Variants in EGLN1 observed in about 807,000 individuals in gnomAD.
The protein encoded by EGLN1 is egl-9 family hypoxia inducible factor 1.
Under a neutral mutation model 38.3 loss-of-function variants are expected in EGLN1, and 17 were observed. The observed-to-expected ratio is 0.44, with a 90% CI of 0.30 to 0.67. The LOEUF (loss-of-function observed/expected upper bound fraction) is 0.67. EGLN1 is among the 30% of genes least tolerant of loss of function. The pLI is 0.08. For missense variants in EGLN1, 477 were observed against 603.3 expected, an observed-to-expected ratio of 0.79 and a Z score of 2.19; for synonymous variants, 283 against 257.5, an observed-to-expected ratio of 1.10 and a Z score of -0.95.
chr1:231,399,829 T>G lies in EGLN1; in HGVS notation c.891+21169A>C, dbSNP rs1239977959. ...TGACCAATATATACCACGCTACCTG[T>G]GGGCACTACGAAATGGTTAAGGAGA... On this transcript the variant is annotated intron_variant, in intron 1 of 4. Coordinates refer to ENST00000366641, the MANE Select transcript of EGLN1 (RefSeq NM_022051.3). 2.0e-5 allele frequency among the ~76,000 whole-genome samples: 3 copies of G among 152,030 alleles called. No individual in the cohort carries two copies. In the East Asian group the frequency reaches 5.8e-4, roughly 30 times the overall value.
In EGLN1 at chr1:231,421,939, A is replaced by G. The variant is rs1656644965; in HGVS notation, c.-51T>C. 3.7e-6 allele frequency: 5 copies of G among 1,344,954 alleles called. No homozygotes were observed. Among genetic ancestry groups the G allele is most frequent in the Non-Finnish European group, 4.7e-6 (5 of 1,059,628 alleles). 83.3% of individuals were successfully genotyped at this position (1,344,954 alleles called of 1,614,324 possible). A position where few individuals can be genotyped will look rare whatever the true frequency, so the allele number is the denominator to read the frequency against. ...ACTGCGGCGGCCGAGCAGGAGGGGTAGCGGCCGGACGGCCTCGCCCGAGGC... is the reference window on the plus strand; with the variant it reads ...ACTGCGGCGGCCGAGCAGGAGGGGTGGCGGCCGGACGGCCTCGCCCGAGGC... On this transcript the variant is annotated 5_prime_UTR_variant, in exon 1 of 5. Coordinates refer to ENST00000366641, the MANE Select transcript of EGLN1 (RefSeq NM_022051.3). The surrounding 1 kb of genome is among the most constrained non-coding windows in gnomAD (Gnocchi z 5.5).
intron 1 of EGLN1, among the ~76,000 whole-genome samples, chr1:231,404,305 T>A (rs1252571930): frequency 6.6e-6 from 1 of 152,138 alleles, no homozygotes; most frequent in Non-Finnish European, 1.5e-5. Flanking sequence ...TTAAAAGACA[T>A]TATTAAGGGT....
In EGLN1 at chr1:231,398,436, C is replaced by T. The variant is rs1447173954; in HGVS notation, c.891+22562G>A. On this transcript the variant is annotated intron_variant, in intron 1 of 4. Transcript: ENST00000366641. ...GCCTCAGCCTCCCAAGTAGCTGGGACTATAGGTGCATACCACCATGCCCAG... is the reference window on the plus strand; with the variant it reads ...GCCTCAGCCTCCCAAGTAGCTGGGATTATAGGTGCATACCACCATGCCCAG... 2.6e-5 allele frequency among the ~76,000 whole-genome samples: 4 copies of T among 152,092 alleles called. No individual in the cohort carries two copies. The East Asian group carries it at 5.8e-4, about 22-fold the overall frequency.
At chr1:231,409,360 C>T (rs982679980) in intron 1 of EGLN1, among the ~76,000 whole-genome samples, 1 of 151,862 alleles carries the variant, frequency 6.6e-6, no homozygotes, top group African/African-American at 2.4e-5. Context: ...CTGGGAATTA[C>T]AGGTTCAACA....
At chr1:231,413,073 C>T (rs991005885) in intron 1 of EGLN1, among the ~76,000 whole-genome samples, 1 of 151,992 alleles carries the variant, frequency 6.6e-6, no homozygotes, top group Non-Finnish European at 1.5e-5. Context: ...GGTTTCCTTG[C>T]TGTTTTCTGT....
chr1:231,383,036 C>T (rs929453207), intron 1 of EGLN1, among the ~76,000 whole-genome samples: 2 of 109,248 alleles, frequency 1.8e-5, no homozygotes, highest in South Asian at 5.9e-4. Context: ...CCAGCCTGGG[C>T]AACAGAGCGA....
At chr1:231,376,514 A>T (rs1377466306) in intron 1 of EGLN1, among the ~76,000 whole-genome samples, 1 of 152,090 alleles carries the variant, frequency 6.6e-6, no homozygotes, top group Admixed American at 6.5e-5. Flanking sequence ...TTATAAATTA[A>T]GCTTTATTAT....
intron 1 of EGLN1, among the ~76,000 whole-genome samples, chr1:231,409,316 T>C (rs1181446094): frequency 6.7e-6 from 1 of 150,368 alleles, no homozygotes; most frequent in Non-Finnish European, 1.5e-5. Context: ...GTGATCCCAA[T>C]AGGATCCTGT....
chr1:231,405,626 A>G (rs938002752), intron 1 of EGLN1, among the ~76,000 whole-genome samples: 4 of 152,120 alleles, frequency 2.6e-5, no homozygotes, highest in Admixed American at 6.5e-5. Context: ...GCCAGATGAC[A>G]AGAATCCAAG....
intron 1 of EGLN1, among the ~76,000 whole-genome samples, chr1:231,417,049 T>C (rs1304203826): frequency 6.6e-6 from 1 of 152,222 alleles, no homozygotes; most frequent in Non-Finnish European, 1.5e-5. Flanking sequence ...AAGCTGAAAG[T>C]CTGAGATCAG....
intron 1 of EGLN1, among the ~76,000 whole-genome samples, chr1:231,399,712 G>A (rs914149840): frequency 6.6e-6 from 1 of 151,948 alleles, no homozygotes; most frequent in Non-Finnish European, 1.5e-5. Context: ...AAATAAATAT[G>A]AGAAGGCAGA....
At position 231,422,267 on chromosome 1, in the gene EGLN1, T is replaced by A. The variant is rs533584823; in HGVS notation, c.-379A>T. 5.2e-4 allele frequency: 81 copies of A among 156,766 alleles called. No individual in the cohort carries two copies. The East Asian group carries it at 0.015, about 28-fold the overall frequency. 9.7% of individuals were successfully genotyped at this position (156,766 alleles called of 1,614,324 possible). ...CCAGGCTGTGGAGGAGCGCAGGGCA[T>A]ACGGGCGCCACTCGCTCTGCGCGCT... On this transcript the variant is annotated 5_prime_UTR_variant, in exon 1 of 5. It removes an upstream start codon present in the reference 5' UTR. Transcript: ENST00000366641.
intron 1 of EGLN1, 47 bp from the exon 2 acceptor site, chr1:231,374,146 AAG>A: frequency 1.9e-6 from 3 of 1,560,032 alleles, no homozygotes; most frequent in Middle Eastern, 1.7e-4. Context: ...TATAAATAAA[AAG>A]AGAGAACAGC....
At chr1:231,395,790 T>G (rs1485337792) in intron 1 of EGLN1, among the ~76,000 whole-genome samples, 1 of 152,152 alleles carries the variant, frequency 6.6e-6, no homozygotes, top group African/African-American at 2.4e-5. Context: ...TGGGAGGTTG[T>G]TGGAAATGTA....
At chr1:231,391,485 C>A (rs1335549295) in intron 1 of EGLN1, among the ~76,000 whole-genome samples, 1 of 152,056 alleles carries the variant, frequency 6.6e-6, no homozygotes, top group Non-Finnish European at 1.5e-5. Flanking sequence ...TATGACGACA[C>A]AGATCAGACA....
In EGLN1 at chr1:231,374,060, C is replaced by T. The variant is rs1687894387; in HGVS notation, c.931G>A (p.Val311Ile). Residue 311 changes from valine (V) to isoleucine (I), a missense_variant, in exon 2 of 5, where the codon GTA becomes ATA. Coordinates refer to ENST00000366641, the MANE Select transcript of EGLN1 (RefSeq NM_022051.3). ...CCATTTGGATTATCAACATGACGTA[C>T]ATAACCCGTTCCATTGCCCGGATAA... is the stretch of plus-strand genomic sequence containing the variant. ...ACYPGNGTGY[V>I]RHVDNPNGDG... 6.2e-7 allele frequency: 1 copy of T among 1,613,540 alleles called. No individual in the cohort carries two copies. The highest frequency in any genetic ancestry group is 8.5e-7 in the Non-Finnish European group (1 of 1,179,526).
At chr1:231,383,841 T>C (rs1264626076) in intron 1 of EGLN1, among the ~76,000 whole-genome samples, 2 of 152,132 alleles carry the variant, frequency 1.3e-5, no homozygotes, top group African/African-American at 4.8e-5. Flanking sequence ...TTATCAGGTA[T>C]GGCATGAGGC....
At chr1:231,367,989 C>T (rs1204138592) in intron 3 of EGLN1, among the ~76,000 whole-genome samples, 2 of 151,986 alleles carry the variant, frequency 1.3e-5, no homozygotes, top group Non-Finnish European at 2.9e-5. Context: ...CGAGACCAAC[C>T]TGGCCAATAG....
At chr1:231,386,716 T>C (rs1357352140) in intron 1 of EGLN1, among the ~76,000 whole-genome samples, 2 of 152,186 alleles carry the variant, frequency 1.3e-5, no homozygotes, top group Non-Finnish European at 2.9e-5. Context: ...AATCAATTAA[T>C]GATTTACCTT....
Sources: allele counts gnomAD v4.1 joint callset (sites outside exome capture counted in the v4.1 genomes callset), GRCh38; gene constraint gnomAD v4.1.1; non-coding constraint Gnocchi (gnomAD v3.1); transcripts MANE v1.5; gene names NCBI Gene and HGNC (gene_info 2026-07-23, HGNC 2026-07-21).